Variants in TGFBR3 observed in about 807,000 individuals in gnomAD.
The protein encoded by TGFBR3 is transforming growth factor beta receptor 3, also known as transforming growth factor beta receptor type 3.
Under a neutral mutation model 87.9 loss-of-function variants are expected in TGFBR3, and 46 were observed. The ratio of observed to expected loss-of-function variants is 0.52; its 90% confidence interval spans 0.41 to 0.67. TGFBR3 has a LOEUF of 0.67. Among genes scored for constraint, TGFBR3 ranks in the 30% least tolerant of loss-of-function variants. The probability of loss-of-function intolerance (pLI) is 0.00; values close to 1 mark genes in which losing one functional copy is unlikely to be tolerated. For synonymous variants in TGFBR3, 381 were observed against 391.6 expected, an observed-to-expected ratio of 0.97 and a Z score of 0.32; for missense variants, 866 against 1,041.9, an observed-to-expected ratio of 0.83 and a Z score of 2.32.
Position 91,712,486 on chromosome 1 carries a change from G to C in TGFBR3, c.1923C>G (p.Ile641Met). The change falls in exon 13 of 17, where the codon ATC (isoleucine) becomes ATG (methionine). Residue 641 changes from isoleucine (I) to methionine (M), a missense_variant. Transcript: ENST00000212355. ...TCCTATCAGGGTTCGAATATGGAGA[G>C]ATAAAGCACGTTTGGATGGCAAATC... is the stretch of plus-strand genomic sequence containing the variant. Reference protein sequence around the residue: ...ELGFAIQTCFISPYSNPDRMS... With the variant: ...ELGFAIQTCFMSPYSNPDRMS... 6.2e-7 allele frequency: 1 copy of C among 1,614,190 alleles called. No individual in the cohort carries two copies. Among genetic ancestry groups the C allele is most frequent in the Non-Finnish European group, 8.5e-7 (1 of 1,180,018 alleles).
chr1:91,706,924 T>C (rs1430122626), intron 14 of TGFBR3, among the ~76,000 whole-genome samples: 1 of 152,270 alleles, frequency 6.6e-6, no homozygotes, highest in Non-Finnish European at 1.5e-5. Flanking sequence ...CATCCATTTA[T>C]ATAAAGACTG....
At chr1:91,851,406 C>T (rs993511876) in intron 2 of TGFBR3, among the ~76,000 whole-genome samples, 1 of 152,156 alleles carries the variant, frequency 6.6e-6, no homozygotes, top group Non-Finnish European at 1.5e-5. Context: ...GGATGTGGTG[C>T]GGGATGGGCC....
intron 2 of TGFBR3, among the ~76,000 whole-genome samples, chr1:91,812,857 G>C (rs1676077798): frequency 1.3e-5 from 2 of 152,128 alleles, no homozygotes. Flanking sequence ...CAGGTGATTT[G>C]TCCATCTCTG....
At chr1:91,875,226 C>T (rs993725961) in intron 1 of TGFBR3, among the ~76,000 whole-genome samples, 2 of 152,064 alleles carry the variant, frequency 1.3e-5, no homozygotes, top group African/African-American at 4.8e-5. Flanking sequence ...CAGGAGGAGC[C>T]ACATGAAGCC....
upstream of TGFBR3, among the ~76,000 whole-genome samples, chr1:91,888,081 C>T (rs1679373808): frequency 6.6e-6 from 1 of 152,100 alleles, no homozygotes; most frequent in Admixed American, 6.6e-5. Context: ...ATGAGTTTTT[C>T]CTGTGCTGTT....
chr1:91,900,601 A>C (rs931163869), intron 1 of TGFBR3, among the ~76,000 whole-genome samples: 2 of 152,244 alleles, frequency 1.3e-5, no homozygotes, highest in Non-Finnish European at 2.9e-5. Context: ...TATCACATAC[A>C]AGAAACTCCA....
chr1:91,741,057 A>G (rs2100842003), intron 4 of TGFBR3, among the ~76,000 whole-genome samples: 1 of 152,266 alleles, frequency 6.6e-6, no homozygotes, highest in South Asian at 2.1e-4. Context: ...TAATTCTCCA[A>G]CTCAGAACAC....
chr1:91,734,882 G>C lies in TGFBR3; in HGVS notation c.462C>G (p.Pro154=), dbSNP rs1017369871. The C allele has an allele frequency of 1.9e-5, 30 of 1,614,012 alleles. No individual in the cohort carries two copies. The highest frequency in any genetic ancestry group is 2.4e-5 in the Non-Finnish European group (28 of 1,180,024). ...AATTTAACAGATGTTCATTTCCATG[G>C]GGGAAGTTCCTTTCTTCTGTTTCTG... ...LTAETEERNF[P]HGNEHLLNWA... is the part of the protein sequence containing the mutation. The change falls in exon 5 of 17, where the codon CCC becomes CCG. Residue 154 remains proline, a synonymous_variant. Transcript: ENST00000212355.
At chr1:91,857,921 T>C (rs909030829) in intron 2 of TGFBR3, among the ~76,000 whole-genome samples, 1 of 152,198 alleles carries the variant, frequency 6.6e-6, no homozygotes, top group Admixed American at 6.5e-5. Flanking sequence ...TCAAAACCTA[T>C]TACCATTCTT....
At chr1:91,753,707 G>A (rs898389739) in intron 4 of TGFBR3, among the ~76,000 whole-genome samples, 3 of 152,146 alleles carry the variant, frequency 2.0e-5, no homozygotes, top group African/African-American at 7.2e-5. Flanking sequence ...CATACAACTT[G>A]TGACAATTAG....
chr1:91,698,955 C>T (rs994915408), intron 14 of TGFBR3, among the ~76,000 whole-genome samples: 1 of 151,800 alleles, frequency 6.6e-6, no homozygotes, highest in Non-Finnish European at 1.5e-5. Context: ...CTACCCTCCC[C>T]CCAATTATTT....
intron 7 of TGFBR3, among the ~76,000 whole-genome samples, chr1:91,723,894 T>G (rs1221282709): frequency 6.6e-6 from 1 of 152,346 alleles, no homozygotes. Context: ...CTAACATGAC[T>G]AAATATTAAT....
rs1488940054 is a variant in TGFBR3, at chr1:91,719,467, A to G, written c.1414-3T>C. On this transcript the variant is annotated splice_polypyrimidine_tract_variant and splice_region_variant and intron_variant, in intron 9 of 16. Coordinates refer to ENST00000212355, the MANE Select transcript of TGFBR3 (RefSeq NM_003243.5). Reference sequence around the variant, plus strand: ...TCCATCCCCGAGTAGCCACTGGCCTAAAACAACAACCACCAAAGACATGGT... The same window carrying G: ...TCCATCCCCGAGTAGCCACTGGCCTGAAACAACAACCACCAAAGACATGGT... 2 of 1,613,906 alleles carry G rather than the reference A, an allele frequency of 1.2e-6. No individual in the cohort carries two copies. Among genetic ancestry groups the G allele is most frequent in the East Asian group, 2.2e-5 (1 of 44,876 alleles).
chr1:91,717,530 C>A (rs528440053), intron 10 of TGFBR3, among the ~76,000 whole-genome samples: 12 of 152,018 alleles, frequency 7.9e-5, no homozygotes, highest in African/African-American at 2.9e-4. Context: ...AGGGTCATGA[C>A]GCCATAAATG....
chr1:91,849,808 C>T (rs781017744), intron 2 of TGFBR3, among the ~76,000 whole-genome samples: 2 of 152,096 alleles, frequency 1.3e-5, no homozygotes, highest in Non-Finnish European at 1.5e-5. Context: ...AAAAGGCCAG[C>T]GAGGTGGCTC....
intron 3 of TGFBR3, among the ~76,000 whole-genome samples, chr1:91,786,566 C>G (rs534353529): frequency 6.6e-6 from 1 of 152,086 alleles, no homozygotes; most frequent in South Asian, 2.1e-4. Context: ...GCCTGGCCAA[C>G]ATGGTGAAAC....
At chr1:91,796,387 C>T (rs970445608) in intron 3 of TGFBR3, among the ~76,000 whole-genome samples, 17 of 152,154 alleles carry the variant, frequency 1.1e-4, no homozygotes, top group African/African-American at 4.1e-4. Context: ...TGTATGAGTG[C>T]TTCGAACAGT....
rs1422948211 is a variant in TGFBR3, at chr1:91,683,305, A to C, written c.*434T>G. 1 of 459,690 alleles carries C rather than the reference A, an allele frequency of 2.2e-6. No individual in the cohort carries two copies. 28.5% of individuals were successfully genotyped at this position (459,690 alleles called of 1,614,324 possible). A position where few individuals can be genotyped will look rare whatever the true frequency, so the allele number is the denominator to read the frequency against. ...TTTACATCTTGGTTCAGATATAAAG[A>C]ATCTTTGGCCGCATCTCCTCACTGG... On this transcript the variant is annotated 3_prime_UTR_variant, in exon 17 of 17. Transcript: ENST00000212355.
At chr1:91,781,464 C>T (rs1175141965) in intron 3 of TGFBR3, among the ~76,000 whole-genome samples, 1 of 152,134 alleles carries the variant, frequency 6.6e-6, no homozygotes, top group East Asian at 1.9e-4. Context: ...GCCTCTCCAG[C>T]AGAATGAAAT....
Sources: allele counts gnomAD v4.1 joint callset (sites outside exome capture counted in the v4.1 genomes callset), GRCh38; gene constraint gnomAD v4.1.1; transcripts MANE v1.5; gene names NCBI Gene and HGNC (gene_info 2026-07-23, HGNC 2026-07-21).